The following TRIB2 variants were observed in gnomAD, a reference collection of about 807,000 sequenced individuals.
TRIB2 encodes tribbles pseudokinase 2, also known as tribbles homolog 2.
A neutral mutation model predicts 26.8 loss-of-function variants in TRIB2; 2 were observed. The ratio of observed to expected loss-of-function variants is 0.07; its 90% CI spans 0.03 to 0.24. The LOEUF is 0.24. Among genes scored for constraint, TRIB2 ranks in the 10% least tolerant of loss-of-function variants. The pLI, the probability that TRIB2 is intolerant of heterozygous loss-of-function variation, is 1.00. For missense variants in TRIB2, 306 were observed against 449.0 expected (o/e 0.68, Z 2.88); for synonymous variants, 189 against 187.3 (o/e 1.01, Z -0.08).
chr2:12,726,872 C>A (rs1015553225), intron 2 of TRIB2, among the ~76,000 whole-genome samples: 2 of 152,222 alleles, frequency 1.3e-5, no homozygotes, highest in African/African-American at 4.8e-5. Context: ...TGCCTATGGG[C>A]TGACTCCTTG....
chr2:12,717,368 A>G lies in TRIB2; in HGVS notation c.-940A>G, dbSNP rs947583687. 1.0e-5 allele frequency: 4 copies of G among 398,300 alleles called. No individual in the cohort carries two copies. The highest frequency in any genetic ancestry group is 2.5e-4 in the South Asian group (2 of 7,862). The allele number at this position is 398,300 out of a possible 1,614,324, so 24.7% of individuals were successfully genotyped here. ...ACCCCCGCAAGCTCGTGCCGGCGAA[A>G]TCGGAGACCGCCGATCTGTCCTCGT... On this transcript the variant is annotated 5_prime_UTR_variant, in exon 1 of 3. Transcript: ENST00000155926. The surrounding 1 kb of genome is among the most constrained non-coding windows in gnomAD (Gnocchi z 4.8).
At chr2:12,737,657 A>G (rs1661611841) in intron 2 of TRIB2, among the ~76,000 whole-genome samples, 1 of 152,264 alleles carries the variant, frequency 6.6e-6, no homozygotes, top group Admixed American at 6.5e-5. Context: ...TCTATAGATT[A>G]TAATAGAATG....
chr2:12,735,381 T>C (rs895560984), intron 2 of TRIB2, among the ~76,000 whole-genome samples: 8 of 152,192 alleles, frequency 5.3e-5, no homozygotes, highest in Non-Finnish European at 1.2e-4. Flanking sequence ...CCCCTGACAC[T>C]GGGGAAGCAC....
rs77337896 is a variant in TRIB2, at chr2:12,724,622, C to T, written c.563+1070C>T. ...GGAACCACATTTACCTTTTCTCTTC[C>T]GCTCAGATGCCTCTGCCCCTGGAGC... On this transcript the variant is annotated intron_variant, in intron 2 of 2. Transcript: ENST00000155926. 2,583 of 1,610,064 alleles carry T rather than the reference C, an allele frequency of 1.6e-3. 14 individuals are homozygous for T. Among genetic ancestry groups the T allele is most frequent in the African/African-American group, 0.01 (756 of 74,862 alleles).
At chr2:12,719,391 T>C (rs1666675462) in intron 1 of TRIB2, among the ~76,000 whole-genome samples, 1 of 152,080 alleles carries the variant, frequency 6.6e-6, no homozygotes, top group East Asian at 1.9e-4. Context: ...TCTTTAACCC[T>C]GAACAGTGAC....
rs762835253 is a variant in TRIB2 at position 12,723,494 on chromosome 2, G to A, written c.505G>A (p.Gly169Arg). The A allele has an allele frequency of 4.3e-6, 7 of 1,614,036 alleles. No individual in the cohort carries two copies. Among genetic ancestry groups the A allele is most frequent in the East Asian group, 2.2e-5 (1 of 44,892 alleles). The change falls in exon 2 of 3, where the codon GGG (glycine) becomes AGG (arginine). Residue 169 changes from glycine (G) to arginine (R), a missense_variant. This residue lies in a region of TRIB2 where 118 missense variants were observed against 188.8 expected (regional missense o/e 0.63). Transcript: ENST00000155926. The stretch of plus-strand genomic sequence containing the variant: ...CTCGGCAGTGGCCCACTGCCATGAC[G>A]GGGGGCTGGTGCTGCGGGACCTCAA... ...IASAVAHCHD[G>R]GLVLRDLKLR...
In TRIB2 at chr2:12,717,716, C is replaced by T. The variant is rs986329999; in HGVS notation, c.-592C>T. 2 of 385,026 alleles carry T rather than the reference C, an allele frequency of 5.2e-6. No individual in the cohort carries two copies. Among genetic ancestry groups the T allele is most frequent in the African/African-American group, 4.1e-5 (2 of 48,326 alleles). The allele number at this position is 385,026 out of a possible 1,614,324, so 23.9% of individuals were successfully genotyped here. Reference sequence around the variant, plus strand: ...TAACTGCCCTCTCCCGCACCCCCCCCTTACACGCCCCCCACCCTTTCCACC... The same window carrying T: ...TAACTGCCCTCTCCCGCACCCCCCCTTTACACGCCCCCCACCCTTTCCACC... On this transcript the variant is annotated 5_prime_UTR_variant, in exon 1 of 3. Transcript: ENST00000155926. This position sits in a 1 kb window ranked among gnomAD's most constrained non-coding sequence, Gnocchi z 4.8.
intron 2 of TRIB2, among the ~76,000 whole-genome samples, chr2:12,736,851 T>A (rs1661587978): frequency 6.6e-6 from 1 of 152,142 alleles, no homozygotes; most frequent in African/African-American, 2.4e-5. Flanking sequence ...GTACGATATC[T>A]CCCATGCTGA....
rs777998116 is a variant in TRIB2, at chr2:12,723,264, T to C, written c.275T>C (p.Phe92Ser). ...TTACTGTTAATCCTGTCGTAGGTGT[T>C]TGATATCAGCTGCTACCAGGAATCC... is the stretch of plus-strand genomic sequence containing the variant. ...HSGEELVCKV[F>S]DISCYQESLA... The change falls in exon 2 of 3, where the codon TTT becomes TCT. Residue 92 changes from phenylalanine (F) to serine (S), a missense_variant. Transcript: ENST00000155926. The C allele has an allele frequency of 6.2e-7, 1 of 1,612,452 alleles. No homozygotes were observed. Among genetic ancestry groups the C allele is most frequent in the African/African-American group, 1.3e-5 (1 of 75,040 alleles).
chr2:12,725,558 A>G (rs1197782348), intron 2 of TRIB2, among the ~76,000 whole-genome samples: 1 of 152,140 alleles, frequency 6.6e-6, no homozygotes, highest in Non-Finnish European at 1.5e-5. Context: ...ACACGCCAAA[A>G]TCCTTGATGT....
intron 2 of TRIB2, among the ~76,000 whole-genome samples, chr2:12,729,473 T>C (rs1257056973): frequency 6.6e-6 from 1 of 152,154 alleles, no homozygotes; most frequent in African/African-American, 2.4e-5. Context: ...AACGTATACA[T>C]CCCCTATGGA....
In TRIB2 at chr2:12,718,605, C is replaced by T. The variant is rs1170433108; in HGVS notation, c.270+28C>T. 9 of 1,601,418 alleles carry T rather than the reference C, an allele frequency of 5.6e-6. 1 individual carries two copies. Among genetic ancestry groups the T allele is most frequent in the South Asian group, 5.5e-5 (5 of 90,756 alleles). On this transcript the variant is annotated intron_variant, in intron 1 of 2. Coordinates refer to ENST00000155926, the MANE Select transcript of TRIB2 (RefSeq NM_021643.4). This position sits in a 1 kb window ranked among gnomAD's most constrained non-coding sequence, Gnocchi z 4.0. ...AAAGGGCCAGTGGGTTGCTTTTTGT[C>T]TTTGGAAGGGGCCCGAGGGAGCGGG...
intron 1 of TRIB2, among the ~76,000 whole-genome samples, chr2:12,719,886 A>G (rs1225804278): frequency 6.6e-6 from 1 of 152,124 alleles, no homozygotes; most frequent in Non-Finnish European, 1.5e-5. Flanking sequence ...AGTTATTGAG[A>G]CCCAGAGCAA....
At position 12,718,174 on chromosome 2, in the gene TRIB2, C is replaced by A. The variant is rs1666641841; in HGVS notation, c.-134C>A. ...GGGGGCTTCTAACTCTTTCTCCACG[C>A]AGCCCCTCTTCTGTCCCCTCCCCTC... On this transcript the variant is annotated 5_prime_UTR_variant, in exon 1 of 3. Coordinates refer to ENST00000155926, the MANE Select transcript of TRIB2 (RefSeq NM_021643.4). This position sits in a 1 kb window ranked among gnomAD's most constrained non-coding sequence, Gnocchi z 4.0. The A allele has an allele frequency of 3.3e-6, 4 of 1,211,858 alleles. No homozygotes were observed. The highest frequency in any genetic ancestry group is 1.6e-5 in the South Asian group (1 of 61,100). The allele number at this position is 1,211,858 out of a possible 1,614,324, so 75.1% of individuals were successfully genotyped here.
intron 2 of TRIB2, among the ~76,000 whole-genome samples, chr2:12,737,963 C>G (rs1478213015): frequency 6.6e-6 from 1 of 152,176 alleles, no homozygotes; most frequent in African/African-American, 2.4e-5. Context: ...AGAGCCTAGC[C>G]TGGAAACTGC....
intron 1 of TRIB2, 113 bp from the exon 2 acceptor site, chr2:12,723,147 C>A: frequency 8.1e-7 from 1 of 1,231,658 alleles, no homozygotes; most frequent in East Asian, 2.4e-5. Context: ...GGTCCAAGTT[C>A]AGCATATTTT....
chr2:12,723,075 G>T (rs1572478478), intron 1 of TRIB2, among the ~76,000 whole-genome samples, 185 bp from the exon 2 acceptor site: 1 of 149,304 alleles, frequency 6.7e-6, no homozygotes. Flanking sequence ...TGGAGGCTCC[G>T]AGAGGTTAAG....
intron 2 of TRIB2, among the ~76,000 whole-genome samples, chr2:12,735,414 G>A (rs940546312): frequency 5.3e-5 from 8 of 152,110 alleles, no homozygotes; most frequent in African/African-American, 1.9e-4. Context: ...CCTTGATGGA[G>A]CCTAGTGAAC....
At chr2:12,738,664 G>A (rs1484560710) in intron 2 of TRIB2, among the ~76,000 whole-genome samples, 1 of 152,158 alleles carries the variant, frequency 6.6e-6, no homozygotes, top group Non-Finnish European at 1.5e-5. Flanking sequence ...TCAAAGAACA[G>A]TAGGGCAGGA....
Sources: gnomAD v4.1 joint callset for allele counts (sites outside exome capture counted in the v4.1 genomes callset) on GRCh38, gnomAD v4.1.1 for gene constraint, gnomAD v4.1.1 regional missense constraint, Gnocchi (gnomAD v3.1) non-coding constraint, MANE v1.5 for transcripts, NCBI Gene and HGNC (gene_info 2026-07-23, HGNC 2026-07-21) for gene names.